Variants in AHNAK2 observed in about 807,000 individuals in gnomAD.
AHNAK2 encodes protein AHNAK2.
In AHNAK2, 18 loss-of-function variants were observed where a neutral mutation model predicts 30.7. The observed-to-expected ratio is 0.59, with a 90% CI of 0.41 to 0.87. The LOEUF (loss-of-function observed/expected upper bound fraction) is 0.87. Among genes scored for constraint, AHNAK2 ranks in the 40% least tolerant of loss-of-function variants. The pLI is 0.00. For missense variants in AHNAK2, 8,604 were observed against 7,373.0 expected (o/e 1.17, Z -6.11); for synonymous variants, 3,590 against 3,073.8 (o/e 1.17, Z -5.56).
In AHNAK2 at chr14:104,938,148, G is replaced by A; in HGVS notation, c.17303C>T (p.Ala5768Val). Reference protein sequence around the residue: ...LDSRVMVTSAARTELILPEQD... With the variant: ...LDSRVMVTSAVRTELILPEQD... ...CTCGGGCAGGATTAACTCTGTTCTT[G>A]CCGCGGATGTCACCATCACTCTGGA... Residue 5768 changes from alanine to valine, a missense_variant, in exon 7 of 7, where the codon GCA becomes GTA. Ala to Val is a moderately conservative substitution (Grantham distance 64). Transcript: ENST00000333244. 1 of 1,613,932 alleles carries A rather than the reference G, an allele frequency of 6.2e-7. No homozygotes were observed. Among genetic ancestry groups the A allele is most frequent in the Non-Finnish European group, 8.5e-7 (1 of 1,179,894 alleles).
rs1055188454 is a variant in AHNAK2 at position 104,948,873 on chromosome 14, T to A, written c.6578A>T (p.Gln2193Leu). 1 of 1,609,708 alleles carries A rather than the reference T, an allele frequency of 6.2e-7. No individual in the cohort carries two copies. The highest frequency in any genetic ancestry group is 1.4e-5 in the African/African-American group (1 of 73,922). Residue 2193 changes from glutamine (Q) to leucine (L), a missense_variant, in exon 7 of 7, where the codon CAG becomes CTG. By Grantham distance (113) the Gln-to-Leu change is moderately radical. Transcript: ENST00000333244. ...GAGGTCAGTGGTCTTGAGGTCCCCC[T>A]GCATGGAGGGGAGACTCATGTCGGC... ...VEADMSLPSM[Q>L]GDLKTTDLSI...
At position 104,940,359 on chromosome 14, in the gene AHNAK2, A is replaced by G. The variant is rs1178090270; in HGVS notation, c.15092T>C (p.Met5031Thr). 2 of 1,613,806 alleles carry G rather than the reference A, an allele frequency of 1.2e-6. No individual in the cohort carries two copies. The highest frequency in any genetic ancestry group is 1.1e-5 in the South Asian group (1 of 91,076). ...GCTGACCCCACTCTTAGAAGCCTTC[A>G]TTTTGGGAAGTGCAAGTTTTGGCAT... The part of the protein sequence containing the change: ...FAMPKLALPK[M>T]KASKSGVSLP... Residue 5031 changes from methionine (M) to threonine (T), a missense_variant, in exon 7 of 7, where the codon ATG becomes ACG. Coordinates refer to ENST00000333244, the MANE Select transcript of AHNAK2 (RefSeq NM_138420.4). The surrounding 1 kb of genome is among the most constrained non-coding windows in gnomAD (Gnocchi z 4.4).
At position 104,949,925 on chromosome 14, in the gene AHNAK2, G is replaced by C. The variant is rs200417966; in HGVS notation, c.5526C>G (p.Ile1842Met). The C allele has an allele frequency of 0.019, 30,055 of 1,587,936 alleles. 1,112 individuals carry two copies. The highest frequency in any genetic ancestry group is 0.064 in the South Asian group (5,783 of 90,026). Reference sequence around the variant, plus strand: ...GCGCAGACACATCCACCGAGGCCTCGATGGACTTGCCTGGGGCAGACACCC... The same window carrying C: ...GCGCAGACACATCCACCGAGGCCTCCATGGACTTGCCTGGGGCAGACACCC... ...SFGVSAPGKS[I>M]EASVDVSAPK... Residue 1842 changes from isoleucine to methionine, a missense_variant, in exon 7 of 7, where the codon ATC becomes ATG. Transcript: ENST00000333244.
rs1898740691 is a variant in AHNAK2 at position 104,951,902 on chromosome 14, C to G, written c.3549G>C (p.Glu1183Asp). The change falls in exon 7 of 7, where the codon GAG (glutamate) becomes GAC (aspartate). Residue 1183 changes from glutamate to aspartate, a missense_variant. Coordinates refer to ENST00000333244, the MANE Select transcript of AHNAK2 (RefSeq NM_138420.4). ...TGGGTGCAGACACATCCACCGAGGC[C>G]TCGATGGACTTGCCTGGGGCTGACG... ...FGASAPGKSI[E>D]ASVDVSAPKV... The G allele has an allele frequency of 2.5e-6, 4 of 1,609,938 alleles. No individual in the cohort carries two copies. The African/African-American group carries it at 5.4e-5, about 22-fold the overall frequency.
chr14:104,939,041 A>G lies in AHNAK2; in HGVS notation c.16410T>C (p.Ala5470=). Residue 5470 remains alanine, a synonymous_variant, in exon 7 of 7, where the codon GCT becomes GCC. Coordinates refer to ENST00000333244, the MANE Select transcript of AHNAK2 (RefSeq NM_138420.4). ...ISKVRVHIQG[A]QVESQEVTIH... ...TAGTGACCTCTTGACTTTCAACCTG[A>G]GCACCCTGAATATGCACTCTGACCT... 1 of 1,607,892 alleles carries G rather than the reference A, an allele frequency of 6.2e-7. No homozygotes were observed. Among genetic ancestry groups the G allele is most frequent in the Non-Finnish European group, 8.5e-7 (1 of 1,177,086 alleles).
chr14:104,937,887 T>C lies in AHNAK2; in HGVS notation c.*176A>G. 3.1e-6 allele frequency: 2 copies of C among 639,022 alleles called. No individual in the cohort carries two copies. The highest frequency in any genetic ancestry group is 4.9e-6 in the Non-Finnish European group (2 of 410,568). 39.6% of individuals were successfully genotyped at this position (639,022 alleles called of 1,614,324 possible). A position where few individuals can be genotyped will look rare whatever the true frequency, so the allele number is the denominator to read the frequency against. On this transcript the variant is annotated 3_prime_UTR_variant, in exon 7 of 7. Transcript: ENST00000333244. The stretch of plus-strand genomic sequence containing the variant: ...GGGAGCTGGGAAGCTTTGGTTCCAT[T>C]TTAGGAGGGCTGTGTGATGGTGACA...
rs1381910994 is a variant in AHNAK2 at position 104,952,360 on chromosome 14, C to A, written c.3091G>T (p.Asp1031Tyr). Residue 1031 changes from aspartate to tyrosine, a missense_variant, in exon 7 of 7, where the codon GAC becomes TAC. By Grantham distance (160) the Asp-to-Tyr change is radical. Coordinates refer to ENST00000333244, the MANE Select transcript of AHNAK2 (RefSeq NM_138420.4). ...VDVSAPKVEA[D>Y]LSLPSMQGDL... ...CCCTGCATGGAGGGGAGACTCAGGT[C>A]GGCCTCCACCTTGGGTGCAGACACA... The A allele has an allele frequency of 5.6e-6, 9 of 1,612,596 alleles. No individual in the cohort carries two copies. The highest frequency in any genetic ancestry group is 1.3e-5 in the African/African-American group (1 of 74,256).
chr14:104,973,483 G>T (rs1899526628), intron 1 of AHNAK2, among the ~76,000 whole-genome samples: 1 of 152,186 alleles, frequency 6.6e-6, no homozygotes, highest in Non-Finnish European at 1.5e-5. Context: ...TAAACAAAGG[G>T]GCCTTAATTC....
In AHNAK2 at chr14:104,951,829, T is replaced by G; in HGVS notation, c.3622A>C (p.Thr1208Pro). 2.5e-5 allele frequency: 28 copies of G among 1,116,116 alleles called. 13 individuals carry two copies. The highest frequency in any genetic ancestry group is 8.7e-5 in the Admixed American group (4 of 46,084). 69.1% of individuals were successfully genotyped at this position (1,116,116 alleles called of 1,614,324 possible). A position where few individuals can be genotyped will look rare whatever the true frequency, so the allele number is the denominator to read the frequency against. The change falls in exon 7 of 7, where the codon ACC becomes CCC. Residue 1208 changes from threonine (T) to proline (P), a missense_variant. By Grantham distance (38) the Thr-to-Pro change is conservative (BLOSUM62 -1). Coordinates refer to ENST00000333244, the MANE Select transcript of AHNAK2 (RefSeq NM_138420.4). ...GGGGGCTGAATGCTGAGGTCAGTGG[T>G]CTTGAGGTCCCCCTGCATGGAGGGG... Reference protein sequence around the residue: ...SLPSMQGDLKTTDLSIQPPSA... With the variant: ...SLPSMQGDLKPTDLSIQPPSA...
rs772843531 is a variant in AHNAK2, at chr14:104,947,664, T to C, written c.7787A>G (p.Lys2596Arg). 3 of 1,612,940 alleles carry C rather than the reference T, an allele frequency of 1.9e-6. No homozygotes were observed. In the East Asian group the frequency reaches 6.7e-5, roughly 36 times the overall value. Residue 2596 changes from lysine (K) to arginine (R), a missense_variant, in exon 7 of 7, where the codon AAA (lysine) becomes AGA (arginine). Lys to Arg is a conservative substitution (Grantham distance 26). Coordinates refer to ENST00000333244, the MANE Select transcript of AHNAK2 (RefSeq NM_138420.4). Reference sequence around the variant, plus strand: ...GGCTGTCACTTCCGCCTTGGGGCCTTTCAGGTCCAGCTTGGGGCCCTTGAC... The same window carrying C: ...GGCTGTCACTTCCGCCTTGGGGCCTCTCAGGTCCAGCTTGGGGCCCTTGAC... ...LDVKGPKLDLKGPKAEVTAPD... is the reference protein window; with the variant it reads ...LDVKGPKLDLRGPKAEVTAPD...
rs1897960665 is a variant in AHNAK2 at position 104,940,902 on chromosome 14, T to G, written c.14549A>C (p.Asn4850Thr). Residue 4850 changes from asparagine (N) to threonine (T), a missense_variant, in exon 7 of 7, where the codon AAT (asparagine) becomes ACT (threonine). Coordinates refer to ENST00000333244, the MANE Select transcript of AHNAK2 (RefSeq NM_138420.4). This position sits in a 1 kb window ranked among gnomAD's most constrained non-coding sequence, Gnocchi z 4.4. Reference sequence around the variant, plus strand: ...ACCAAGAGAAACAGGAATCATGGAATTCAGTGGGCCAGAGTGACTCTCAGC... The same window carrying G: ...ACCAAGAGAAACAGGAATCATGGAAGTCAGTGGGCCAGAGTGACTCTCAGC... ...SQAESHSGPL[N>T]SMIPVSLGQV... The G allele has an allele frequency of 6.8e-6, 11 of 1,612,536 alleles. No individual in the cohort carries two copies. The highest frequency in any genetic ancestry group is 9.3e-6 in the Non-Finnish European group (11 of 1,179,632).
rs375969174 is a variant in AHNAK2 at position 104,950,422 on chromosome 14, T to C, written c.5029A>G (p.Ile1677Val). 2.5e-5 allele frequency: 39 copies of C among 1,586,932 alleles called. 2 individuals are homozygous for C. In the African/African-American group the frequency reaches 4.9e-4, roughly 20 times the overall value. The change falls in exon 7 of 7, where the codon ATC becomes GTC. Residue 1677 changes from isoleucine (I) to valine (V), a missense_variant. Coordinates refer to ENST00000333244, the MANE Select transcript of AHNAK2 (RefSeq NM_138420.4). ...SFGVSAPGKS[I>V]EASVDVSEPK... is the part of the protein sequence containing the mutation. ...TCAGACACATCCACCGAGGCCTCGATGGACTTGCCTGGGGCCGACACCCCA... is the reference window on the plus strand; with the variant it reads ...TCAGACACATCCACCGAGGCCTCGACGGACTTGCCTGGGGCCGACACCCCA...
chr14:104,955,388 T>A (rs1348797877), intron 5 of AHNAK2, 95 bp downstream of exon 5: 10 of 1,491,206 alleles, frequency 6.7e-6, no homozygotes, highest in Non-Finnish European at 9.0e-6. Flanking sequence ...CATCCTAAGC[T>A]CCAGGTGTGG....
In AHNAK2 at chr14:104,943,551, T is replaced by G; in HGVS notation, c.11900A>C (p.Lys3967Thr). 6.2e-7 allele frequency: 1 copy of G among 1,612,686 alleles called. No individual in the cohort carries two copies. The highest frequency in any genetic ancestry group is 1.1e-5 in the South Asian group (1 of 91,014). ...ADKDMTAKDSKFKMPKFKMPS... is the reference protein window; with the variant it reads ...ADKDMTAKDSTFKMPKFKMPS... ...CATCTTGAACTTGGGCATTTTGAACTTGCTGTCTTTGGCCGTCATGTCCTT... is the reference window on the plus strand; with the variant it reads ...CATCTTGAACTTGGGCATTTTGAACGTGCTGTCTTTGGCCGTCATGTCCTT... Residue 3967 changes from lysine to threonine, a missense_variant, in exon 7 of 7, where the codon AAG (lysine) becomes ACG (threonine). Coordinates refer to ENST00000333244, the MANE Select transcript of AHNAK2 (RefSeq NM_138420.4).
At position 104,953,294 on chromosome 14, in the gene AHNAK2, C is replaced by A; in HGVS notation, c.2157G>T (p.Lys719Asn). Reference protein sequence around the residue: ...VSLLSMQGDLKTTDLSVQTPS... With the variant: ...VSLLSMQGDLNTTDLSVQTPS... ...GGGTCTGGACGCTGAGGTCAGTGGT[C>A]TTGAGGTCCCCCTGCATGGAGAGGA... is the stretch of plus-strand genomic sequence containing the variant. Residue 719 changes from lysine to asparagine, a missense_variant, in exon 7 of 7, where the codon AAG becomes AAT. Coordinates refer to ENST00000333244, the MANE Select transcript of AHNAK2 (RefSeq NM_138420.4). 6.2e-7 allele frequency: 1 copy of A among 1,613,020 alleles called. No individual in the cohort carries two copies. The highest frequency in any genetic ancestry group is 8.5e-7 in the Non-Finnish European group (1 of 1,179,694).
rs757438397 is a variant in AHNAK2, at chr14:104,953,548, C to T, written c.1903G>A (p.Asp635Asn). Residue 635 changes from aspartate (D) to asparagine (N), a missense_variant, in exon 7 of 7, where the codon GAC becomes AAC. Coordinates refer to ENST00000333244, the MANE Select transcript of AHNAK2 (RefSeq NM_138420.4). ...GTCATTGAGTCACTGTCTTCTTTGT[C>T]TTTTAATCCTTCCTCTGTGCGTCTC... The part of the protein sequence containing the change: ...EQRRTEEGLK[D>N]KEDSDSMTNT... 3.1e-6 allele frequency: 5 copies of T among 1,613,900 alleles called. No homozygotes were observed. Among genetic ancestry groups the T allele is most frequent in the African/African-American group, 2.7e-5 (2 of 74,920 alleles).
intron 1 of AHNAK2, among the ~76,000 whole-genome samples, chr14:104,962,946 G>T (rs143067613): frequency 5.9e-5 from 9 of 152,122 alleles, no homozygotes; most frequent in Non-Finnish European, 1.2e-4. Flanking sequence ...TTAACACCTC[G>T]AGGGCAGCAA....
chr14:104,949,423 A>G lies in AHNAK2; in HGVS notation c.6028T>C (p.Ser2010Pro). 17 of 1,586,834 alleles carry G rather than the reference A, an allele frequency of 1.1e-5. 2 individuals carry two copies. Among genetic ancestry groups the G allele is most frequent in the Non-Finnish European group, 1.5e-5 (17 of 1,162,140 alleles). ...VSAPGRSIEA[S>P]VDVPAPKVEA... is the part of the protein sequence containing the mutation. Reference sequence around the variant, plus strand: ...ACCTTGGGTGCAGGCACATCCACCGAGGCCTCGATGGACCTCCCTGGGGCC... The same window carrying G: ...ACCTTGGGTGCAGGCACATCCACCGGGGCCTCGATGGACCTCCCTGGGGCC... Residue 2010 changes from serine to proline, a missense_variant, in exon 7 of 7, where the codon TCG becomes CCG. Physicochemically the swap from Ser to Pro is moderately conservative, Grantham distance 74. Coordinates refer to ENST00000333244, the MANE Select transcript of AHNAK2 (RefSeq NM_138420.4).
chr14:104,962,421 T>G (rs116435297), intron 1 of AHNAK2, among the ~76,000 whole-genome samples: 1 of 152,174 alleles, frequency 6.6e-6, no homozygotes, highest in Admixed American at 6.5e-5. Flanking sequence ...CATTCTTGTT[T>G]GTTGGTTGGT....
Sources: gnomAD v4.1 joint callset for allele counts (sites outside exome capture counted in the v4.1 genomes callset) on GRCh38, gnomAD v4.1.1 for gene constraint, Gnocchi (gnomAD v3.1) non-coding constraint, MANE v1.5 for transcripts, NCBI Gene and HGNC (gene_info 2026-07-23, HGNC 2026-07-21) for gene names.